Variants in MACF1 observed in about 807,000 individuals in gnomAD.
MACF1 encodes the protein microtubule actin crosslinking factor 1, also known as microtubule-actin cross-linking factor 1.
In MACF1, 193 loss-of-function variants were observed where a neutral mutation model predicts 854.8. That is an observed-to-expected ratio of 0.23 (90% CI 0.20 to 0.25). The LOEUF is 0.25. MACF1 is among the 10% of genes least tolerant of loss of function. The pLI, the probability that MACF1 is intolerant of heterozygous loss-of-function variation, is 1.00. For missense variants in MACF1, 7,722 were observed against 8,929.1 expected (o/e 0.86, Z 5.45); for synonymous variants, 3,185 against 3,226.7 (o/e 0.99, Z 0.44).
intron 88 of MACF1, among the ~76,000 whole-genome samples, chr1:39,454,666 G>A (rs1644402113): frequency 6.6e-6 from 1 of 152,070 alleles, no homozygotes; most frequent in South Asian, 2.1e-4. Flanking sequence ...TGGGTATGGT[G>A]GCACAAGTCT....
At chr1:39,464,011 A>C in intron 94 of MACF1, 1 of 237,460 alleles carries the variant, frequency 4.2e-6, no homozygotes. Context: ...CTTGCCCACA[A>C]AGAGATGGTC....
rs1643851456 is a variant in MACF1, at chr1:39,430,181, G to A, written c.17130+113G>A. 3.5e-6 allele frequency: 4 copies of A among 1,134,412 alleles called. No individual in the cohort carries two copies. The South Asian group carries it at 6.5e-5, about 19-fold the overall frequency. 70.3% of individuals were successfully genotyped at this position (1,134,412 alleles called of 1,614,324 possible). A position where few individuals can be genotyped will look rare whatever the true frequency, so the allele number is the denominator to read the frequency against. ...ACTAAAAATATGTGCCCCCTTTCTT[G>A]TTTACTCATGGACAGTAAGATTTGA... is the stretch of plus-strand genomic sequence containing the variant. On this transcript the variant is annotated intron_variant, in intron 65 of 100. Transcript: ENST00000564288.
chr1:39,373,839 G>A lies in MACF1; in HGVS notation c.13213+1243G>A, dbSNP rs575432536. Among the ~76,000 whole-genome samples the A allele has an allele frequency of 4.3e-4, 62 of 145,572 alleles. 1 individual carries two copies. Among genetic ancestry groups the A allele is most frequent in the Admixed American group, 2.1e-3 (31 of 14,534 alleles). ...CTGTATTCCAGCCTGGGCGACGGAC[G>A]GAGACCCCATCTCAAAAAAAAAAAA... On this transcript the variant is annotated intron_variant, in intron 52 of 100. Transcript: ENST00000564288.
intron 19 of MACF1, 47 bp downstream of exon 19, chr1:39,295,197 G>A (rs1406870604): frequency 6.8e-7 from 1 of 1,468,556 alleles, no homozygotes; most frequent in South Asian, 1.1e-5. Flanking sequence ...AGAGGTTGTT[G>A]TTATAAAAGT....
At chr1:39,112,664 G>C (rs1407851691) in intron 2 of MACF1, among the ~76,000 whole-genome samples, 3 of 150,918 alleles carry the variant, frequency 2.0e-5, no homozygotes, top group Non-Finnish European at 4.4e-5. Flanking sequence ...CTGGACAACA[G>C]AGCAAGACTT....
chr1:39,398,527 G>A (rs1302547525), intron 58 of MACF1, among the ~76,000 whole-genome samples: 2 of 152,028 alleles, frequency 1.3e-5, no homozygotes, highest in African/African-American at 4.8e-5. Flanking sequence ...CAGGATGACG[G>A]CCCCTTACAA....
chr1:39,154,807 G>T (rs1571109210), intron 2 of MACF1, among the ~76,000 whole-genome samples: 1 of 151,986 alleles, frequency 6.6e-6, no homozygotes, highest in East Asian at 1.9e-4. Flanking sequence ...TGGACTTCCT[G>T]ATCTGGCTGC....
At chr1:39,232,746 GTTTT>G (rs10712180) in intron 2 of MACF1, among the ~76,000 whole-genome samples, 477 of 128,456 alleles carry the variant, frequency 3.7e-3, no homozygotes, top group African/African-American at 0.012. Flanking sequence ...TACTCTCTTT[GTTTT>G]TTTTTTTTTT....
intron 35 of MACF1, among the ~76,000 whole-genome samples, chr1:39,326,509 A>G (rs1189406175): frequency 6.6e-6 from 1 of 151,886 alleles, no homozygotes; most frequent in Non-Finnish European, 1.5e-5. Flanking sequence ...GGTGAAACCC[A>G]GTTTGTACTA....
At position 39,447,682 on chromosome 1, in the gene MACF1, G is replaced by T; in HGVS notation, c.19762-10G>T. On this transcript the variant is annotated splice_polypyrimidine_tract_variant and intron_variant, in intron 81 of 100. Transcript: ENST00000564288. ...TCTTAAGCTAAAAAAGAGCACTATT[G>T]TTCCCTCAGGTTTTTGCTAATGAAG... 4 of 1,614,082 alleles carry T rather than the reference G, an allele frequency of 2.5e-6. No homozygotes were observed. Among genetic ancestry groups the T allele is most frequent in the Non-Finnish European group, 2.5e-6 (3 of 1,179,960 alleles).
chr1:39,264,840 AT>A (rs1645212080), intron 6 of MACF1, among the ~76,000 whole-genome samples: 1 of 148,306 alleles, frequency 6.7e-6, no homozygotes, highest in Non-Finnish European at 1.5e-5. Flanking sequence ...CGCCCGGCTA[AT>A]TTTTTGTATT....
intron 2 of MACF1, among the ~76,000 whole-genome samples, chr1:39,249,534 G>A (rs79890789): frequency 0.023 from 3,515 of 152,164 alleles, 84 homozygotes; most frequent in East Asian, 0.13. Context: ...TCTGAAATTC[G>A]CTATTAGAAA....
chr1:39,298,319 T>G (rs1009124097), intron 21 of MACF1, among the ~76,000 whole-genome samples: 2 of 152,188 alleles, frequency 1.3e-5, no homozygotes, highest in Non-Finnish European at 2.9e-5. Context: ...TAGTTTTACA[T>G]TTAGTATTTA....
At chr1:39,312,840 A>G (rs747866277) in intron 26 of MACF1, among the ~76,000 whole-genome samples, 9 of 152,174 alleles carry the variant, frequency 5.9e-5, no homozygotes, top group Non-Finnish European at 1.2e-4. Flanking sequence ...CAAACAAACA[A>G]GCAAACAAAC....
upstream of MACF1, among the ~76,000 whole-genome samples, chr1:39,202,384 C>T (rs1644402043): frequency 6.6e-6 from 1 of 151,490 alleles, no homozygotes; most frequent in African/African-American, 2.4e-5. Flanking sequence ...CACCTGTAAT[C>T]CCAGCACTTT....
intron 15 of MACF1, 84 bp downstream of exon 15, chr1:39,287,646 G>C (rs983694770): frequency 1.4e-6 from 2 of 1,436,502 alleles, no homozygotes; most frequent in African/African-American, 2.8e-5. Flanking sequence ...ATTGCTTTGT[G>C]TTCCCTGTGC....
At chr1:39,368,097 T>C (rs1367380205) in intron 49 of MACF1, 51 bp from the exon 50 acceptor site, 2 of 1,485,716 alleles carry the variant, frequency 1.3e-6, no homozygotes, top group South Asian at 1.2e-5. Context: ...CTTTTTAGAG[T>C]ATATTTATAA....
At chr1:39,286,057 A>G (rs1645635276) in intron 14 of MACF1, among the ~76,000 whole-genome samples, 4 of 152,212 alleles carry the variant, frequency 2.6e-5, no homozygotes, top group Non-Finnish European at 5.9e-5. Flanking sequence ...TTCGTTGCCC[A>G]GGCTGGAGTG....
chr1:39,486,034 A>G lies in MACF1; in HGVS notation c.*240A>G, dbSNP rs1645097195. ...GGGGCCCAGAAATGAAATATTTGAG[A>G]AAAACAAGTGAAAAGGTCAAGATAC... On this transcript the variant is annotated 3_prime_UTR_variant, in exon 101 of 101. Transcript: ENST00000564288. 1 of 357,796 alleles carries G rather than the reference A, an allele frequency of 2.8e-6. No individual in the cohort carries two copies. The highest frequency in any genetic ancestry group is 4.6e-5 in the Admixed American group (1 of 21,760). 22.2% of individuals were successfully genotyped at this position (357,796 alleles called of 1,614,324 possible).
Sources: gnomAD v4.1 joint callset for allele counts (sites outside exome capture counted in the v4.1 genomes callset) on GRCh38, gnomAD v4.1.1 for gene constraint, MANE v1.5 for transcripts, NCBI Gene and HGNC (gene_info 2026-07-23, HGNC 2026-07-21) for gene names.